Variants in SLC9C2 observed in about 807,000 individuals in gnomAD.
SLC9C2 encodes the protein sodium/hydrogen exchanger 11.
SLC9C2 carries 75 observed loss-of-function variants against 140.2 expected under a neutral mutation model. The ratio of observed to expected loss-of-function variants is 0.53; its 90% CI spans 0.44 to 0.65. The LOEUF is 0.65. SLC9C2 is among the 30% of genes least tolerant of loss of function. The pLI is 0.00. For synonymous variants in SLC9C2, 375 were observed against 420.9 expected, an observed-to-expected ratio of 0.89 and a Z score of 1.34; for missense variants, 1,074 against 1,331.8, an observed-to-expected ratio of 0.81 and a Z score of 3.01.
chr1:173,554,221 G>T (rs1663515524), intron 11 of SLC9C2, among the ~76,000 whole-genome samples: 1 of 152,054 alleles, frequency 6.6e-6, no homozygotes, highest in African/African-American at 2.4e-5. Flanking sequence ...AGCTTCCCTT[G>T]CCCATGTGTG....
At position 173,547,771 on chromosome 1, in the gene SLC9C2, G is replaced by A. The variant is rs1336601231; in HGVS notation, c.1475C>T (p.Ser492Leu). Reference sequence around the variant, plus strand: ...GGATTCTGTCTTCATATCATTATGTGAAACGTGGGAAAACTGAACCGTATC... The same window carrying A: ...GGATTCTGTCTTCATATCATTATGTAAAACGTGGGAAAACTGAACCGTATC... Reference protein sequence around the residue: ...RIEYIPFSHVSHNDMKTESTT... With the variant: ...RIEYIPFSHVLHNDMKTESTT... Residue 492 changes from serine (S) to leucine (L), a missense_variant, in exon 13 of 28, where the codon TCA becomes TTA. By Grantham distance (145) the Ser-to-Leu change is moderately radical. Coordinates refer to ENST00000367714, the MANE Select transcript of SLC9C2 (RefSeq NM_178527.4). The A allele has an allele frequency of 6.2e-7, 1 of 1,609,462 alleles. No individual in the cohort carries two copies. The highest frequency in any genetic ancestry group is 8.5e-7 in the Non-Finnish European group (1 of 1,176,674).
intron 13 of SLC9C2, among the ~76,000 whole-genome samples, chr1:173,542,839 A>G (rs1354878423): frequency 6.6e-6 from 1 of 152,208 alleles, no homozygotes; most frequent in Non-Finnish European, 1.5e-5. Flanking sequence ...TCAATAAACT[A>G]GGTATTGATG....
At position 173,554,325 on chromosome 1, in the gene SLC9C2, C is replaced by G. The variant is rs115993024; in HGVS notation, c.1297+408G>C. Among the ~76,000 whole-genome samples the G allele has an allele frequency of 9.4e-3, 1,434 of 152,302 alleles. 25 individuals carry two copies. The highest frequency in any genetic ancestry group is 0.033 in the African/African-American group (1,376 of 41,558). ...CCTCCATTGCCACACACCCCTCCCC[C>G]ACCATTTCCCCTTTCTAGTTGGTTG... On this transcript the variant is annotated intron_variant, in intron 11 of 27. Transcript: ENST00000367714.
chr1:173,582,077 C>A, intron 6 of SLC9C2, 69 bp from the exon 7 acceptor site: 1 of 1,253,732 alleles, frequency 8.0e-7, no homozygotes. Context: ...TCACTGATGG[C>A]ATTTGGGTCT....
At chr1:173,584,734 G>T (rs1013606079) in intron 5 of SLC9C2, among the ~76,000 whole-genome samples, 3 of 152,068 alleles carry the variant, frequency 2.0e-5, no homozygotes, top group African/African-American at 4.8e-5. Context: ...CTTTTTCTCA[G>T]GATTTCTTCA....
chr1:173,577,896 A>G (rs1475088775), intron 7 of SLC9C2, among the ~76,000 whole-genome samples: 3 of 152,132 alleles, frequency 2.0e-5, no homozygotes, highest in Non-Finnish European at 4.4e-5. Flanking sequence ...ATTTAACTGA[A>G]TTTACTTTAA....
intron 8 of SLC9C2, among the ~76,000 whole-genome samples, chr1:173,576,298 T>C (rs550247361): frequency 1.2e-3 from 185 of 152,332 alleles, no homozygotes; most frequent in African/African-American, 4.2e-3. Context: ...GTTACATCTT[T>C]CTGCTACTCG....
At position 173,536,998 on chromosome 1, in the gene SLC9C2, T is replaced by C. The variant is rs1662015920; in HGVS notation, c.1599A>G (p.Ile533Met). 5 of 1,613,882 alleles carry C rather than the reference T, an allele frequency of 3.1e-6. No homozygotes were observed. The highest frequency in any genetic ancestry group is 4.2e-6 in the Non-Finnish European group (5 of 1,179,856). ...EKQRNNGILE[I>M]EAARILIGAA... Reference sequence around the variant, plus strand: ...CACCAATTAATATCCGGGCTGCCTCTATTTCAAGAATTCCATTGTTACGCT... The same window carrying C: ...CACCAATTAATATCCGGGCTGCCTCCATTTCAAGAATTCCATTGTTACGCT... Residue 533 changes from isoleucine (I) to methionine (M), a missense_variant, in exon 14 of 28, where the codon ATA (isoleucine) becomes ATG (methionine). Transcript: ENST00000367714.
chr1:173,589,227 A>G (rs12075847), intron 4 of SLC9C2, among the ~76,000 whole-genome samples: 1 of 152,078 alleles, frequency 6.6e-6, no homozygotes, highest in African/African-American at 2.4e-5. Flanking sequence ...TGCCAATTCA[A>G]TTTTTAATGA....
At chr1:173,586,909 G>A (rs1056483397) in intron 5 of SLC9C2, among the ~76,000 whole-genome samples, 1 of 151,986 alleles carries the variant, frequency 6.6e-6, no homozygotes, top group African/African-American at 2.4e-5. Context: ...TGAGCTTAGA[G>A]TACAGGTCAA....
At chr1:173,511,222 G>C (rs1660035143) in intron 23 of SLC9C2, among the ~76,000 whole-genome samples, 1 of 151,606 alleles carries the variant, frequency 6.6e-6, no homozygotes, top group African/African-American at 2.4e-5. Flanking sequence ...AGTAGGGATG[G>C]GGTTTCCCCA....
chr1:173,564,496 G>C (rs761476314), intron 9 of SLC9C2, among the ~76,000 whole-genome samples: 1 of 152,054 alleles, frequency 6.6e-6, no homozygotes, highest in African/African-American at 2.4e-5. Flanking sequence ...CCATCTGTAC[G>C]TCTTCTTTAG....
chr1:173,562,658 ACAGC>A (rs1439229347), intron 9 of SLC9C2, among the ~76,000 whole-genome samples: 1 of 152,220 alleles, frequency 6.6e-6, no homozygotes, highest in Non-Finnish European at 1.5e-5. Flanking sequence ...AAATAATTTA[ACAGC>A]TTCATTGGTA....
chr1:173,546,327 G>A (rs949980480), intron 13 of SLC9C2, among the ~76,000 whole-genome samples: 28 of 152,208 alleles, frequency 1.8e-4, no homozygotes, highest in Non-Finnish European at 1.3e-4. Flanking sequence ...GAGGCCAGAA[G>A]TTTGAGACCA....
intron 17 of SLC9C2, among the ~76,000 whole-genome samples, chr1:173,530,725 T>A (rs1168841510): frequency 6.6e-6 from 1 of 152,062 alleles, no homozygotes. Flanking sequence ...AGAATTCCAA[T>A]AGAGGGGCTC....
intron 23 of SLC9C2, among the ~76,000 whole-genome samples, chr1:173,512,933 T>G (rs1371013432): frequency 6.6e-6 from 1 of 152,244 alleles, no homozygotes; most frequent in African/African-American, 2.4e-5. Context: ...TTGGTTCTGT[T>G]TATCTGATGG....
chr1:173,553,445 T>C (rs753665687), intron 11 of SLC9C2, among the ~76,000 whole-genome samples: 2 of 152,238 alleles, frequency 1.3e-5, no homozygotes, highest in Non-Finnish European at 2.9e-5. Flanking sequence ...GAAGAGTCAG[T>C]TGATGTGCCA....
At chr1:173,533,063 G>A (rs1431276392) in intron 17 of SLC9C2, among the ~76,000 whole-genome samples, 1 of 152,000 alleles carries the variant, frequency 6.6e-6, no homozygotes, top group East Asian at 1.9e-4. Context: ...GTTGACATAG[G>A]CTGGTCAGGA....
chr1:173,501,917 T>C (rs1007465885), intron 27 of SLC9C2, among the ~76,000 whole-genome samples: 6 of 152,090 alleles, frequency 3.9e-5, no homozygotes, highest in Non-Finnish European at 8.8e-5. Context: ...AGGACCAACA[T>C]TGCTATTAGA....
Sources: gnomAD v4.1 joint callset for allele counts (sites outside exome capture counted in the v4.1 genomes callset) on GRCh38, gnomAD v4.1.1 for gene constraint, MANE v1.5 for transcripts, NCBI Gene and HGNC (gene_info 2026-07-23, HGNC 2026-07-21) for gene names.